The following USP35 variants were observed in gnomAD, a reference collection of about 807,000 sequenced individuals.
USP35 encodes ubiquitin carboxyl-terminal hydrolase 35.
In USP35, 69 loss-of-function variants were observed where a neutral mutation model predicts 83.8. The observed-to-expected ratio is 0.82, with a 90% confidence interval of 0.68 to 1.01. USP35 has a LOEUF of 1.01. Among genes scored for constraint, USP35 ranks in the 50% least tolerant of loss-of-function variants. The pLI, the probability that USP35 is intolerant of heterozygous loss-of-function variation, is 0.00. For missense variants in USP35, 1,503 were observed against 1,362.5 expected, an observed-to-expected ratio of 1.10 and a Z score of -1.62; for synonymous variants, 714 against 589.5, an observed-to-expected ratio of 1.21 and a Z score of -3.06.
At chr11:78,193,142 G>A (rs1005315884) in intron 1 of USP35, among the ~76,000 whole-genome samples, 1 of 152,114 alleles carries the variant, frequency 6.6e-6, no homozygotes, top group Admixed American at 6.5e-5. Context: ...GCCTTGTCAC[G>A]GGCACTGCCT....
chr11:78,233,684 G>A, the USP35 span, among the ~76,000 whole-genome samples: 1 of 152,138 alleles, frequency 6.6e-6, no homozygotes, highest in Non-Finnish European at 1.5e-5. Flanking sequence ...TTGGCTCACT[G>A]CAACCTCCAC....
At chr11:78,202,854 C>A (rs1863398571) in intron 6 of USP35, among the ~76,000 whole-genome samples, 1 of 152,168 alleles carries the variant, frequency 6.6e-6, no homozygotes, top group South Asian at 2.1e-4. Flanking sequence ...CTGGGTCTGT[C>A]TGTTTCCTGC....
At chr11:78,195,187 A>C (rs922134361) in intron 1 of USP35, among the ~76,000 whole-genome samples, 1 of 152,192 alleles carries the variant, frequency 6.6e-6, no homozygotes, top group African/African-American at 2.4e-5. Context: ...AACTGATTCC[A>C]GCTGTAATGC....
At chr11:78,232,462 CT>C in the USP35 span, among the ~76,000 whole-genome samples, 3 of 152,214 alleles carry the variant, frequency 2.0e-5, no homozygotes, top group East Asian at 5.8e-4. Context: ...GTGAAACCAA[CT>C]TGTCTTCAAA....
Position 78,214,028 on chromosome 11 carries a change from A to G in USP35, c.*215A>G, listed in dbSNP as rs1409515940. ...CAGTCCCATTAAAACTTTACACCCAAGTGTCCTGGTTAACTTGAAGCAGCC... is the reference window on the plus strand; with the variant it reads ...CAGTCCCATTAAAACTTTACACCCAGGTGTCCTGGTTAACTTGAAGCAGCC... On this transcript the variant is annotated 3_prime_UTR_variant, in exon 11 of 11. Transcript: ENST00000529308. The G allele has an allele frequency of 4.4e-5, 22 of 496,578 alleles. No homozygotes were observed. The East Asian group carries it at 7.9e-4, about 18-fold the overall frequency. 30.8% of individuals were successfully genotyped at this position (496,578 alleles called of 1,614,324 possible). A position where few individuals can be genotyped will look rare whatever the true frequency, so the allele number is the denominator to read the frequency against.
At chr11:78,193,609 C>G (rs913401129) in intron 1 of USP35, among the ~76,000 whole-genome samples, 3 of 152,132 alleles carry the variant, frequency 2.0e-5, no homozygotes, top group African/African-American at 7.2e-5. Flanking sequence ...GAAGCTCCTT[C>G]AAGGCAAGGA....
At chr11:78,201,832 G>A (rs1306973815) in intron 6 of USP35, among the ~76,000 whole-genome samples, 1 of 139,992 alleles carries the variant, frequency 7.1e-6, no homozygotes, top group Non-Finnish European at 1.5e-5. Context: ...AGTCTGGATG[G>A]CAGAGCCTTC....
At chr11:78,197,668 C>T (rs553080374) in intron 2 of USP35, among the ~76,000 whole-genome samples, 10 of 152,336 alleles carry the variant, frequency 6.6e-5, no homozygotes, top group African/African-American at 2.2e-4. Flanking sequence ...CAGCGTTTCC[C>T]CTCCTAAAGG....
At chr11:78,231,336 G>GGTGTGTGTGTGT in the USP35 span, among the ~76,000 whole-genome samples, 5,288 of 145,844 alleles carry the variant, frequency 0.036, 107 homozygotes, top group East Asian at 0.061. Context: ...GCGCGTGTGT[G>GGTGTGTGTGTGT]GTGTGTGTGT....
downstream of USP35, chr11:78,215,679 CAT>C (rs1422930411): frequency 6.6e-6 from 1 of 152,328 alleles, no homozygotes; most frequent in African/African-American, 2.4e-5. Flanking sequence ...CCATAAATCA[CAT>C]GACAGCCTGG....
chr11:78,198,813 GT>G, intron 3 of USP35: 1 of 520,076 alleles, frequency 1.9e-6, no homozygotes, highest in African/African-American at 2.1e-5. Context: ...TTCCTCAACT[GT>G]AAAATGGAGT....
At chr11:78,203,072 G>C (rs1863406587) in intron 6 of USP35, among the ~76,000 whole-genome samples, 1 of 152,108 alleles carries the variant, frequency 6.6e-6, no homozygotes, top group African/African-American at 2.4e-5. Context: ...TGCACAGTAG[G>C]GGCCCATGGA....
chr11:78,210,328 G>T lies in USP35; in HGVS notation c.2473G>T (p.Asp825Tyr). The T allele has an allele frequency of 1.9e-6, 3 of 1,613,092 alleles. No individual in the cohort carries two copies. Among genetic ancestry groups the T allele is most frequent in the Non-Finnish European group, 2.5e-6 (3 of 1,179,918 alleles). The change falls in exon 10 of 11, where the codon GAT becomes TAT. Residue 825 changes from aspartate (D) to tyrosine (Y), a missense_variant. By Grantham distance (160) the Asp-to-Tyr change is radical (BLOSUM62 -3). Transcript: ENST00000529308. ...CACCATGCGGCGCCGCAAGATCCTG[G>T]ATGACGTCTCCATCCCCCTGCTGCT... ...LRTMRRRKIL[D>Y]DVSIPLLLRL...
chr11:78,236,935 T>C, the USP35 span, among the ~76,000 whole-genome samples: 4 of 152,260 alleles, frequency 2.6e-5, no homozygotes, highest in Admixed American at 6.5e-5. Context: ...TTTAGTTGGA[T>C]TCGACTGCTA....
At chr11:78,210,867 A>G (rs1725746565) in intron 10 of USP35, 123 bp downstream of exon 10, 3 of 1,068,256 alleles carry the variant, frequency 2.8e-6, no homozygotes, top group Non-Finnish European at 3.9e-6. Context: ...TCTGTTGCTC[A>G]GTGCTGGGTA....
rs780745175 is a variant in USP35, at chr11:78,210,514, G to A, written c.2659G>A (p.Glu887Lys). 2.4e-5 allele frequency: 38 copies of A among 1,613,894 alleles called. No homozygotes were observed. Among genetic ancestry groups the A allele is most frequent in the Admixed American group, 6.7e-5 (4 of 60,004 alleles). The change falls in exon 10 of 11, where the codon GAG becomes AAG. Residue 887 changes from glutamate to lysine, a missense_variant. Transcript: ENST00000529308. ...SLGTADRPEP[E>K]NQWYLFNDTR... ...GGGAACTGCCGATAGGCCAGAGCCC[G>A]AGAACCAGTGGTACCTGTTCAATGA...
In USP35 at chr11:78,209,720, C is replaced by T; in HGVS notation, c.1865C>T (p.Thr622Ile). 6.2e-7 allele frequency: 1 copy of T among 1,614,140 alleles called. No individual in the cohort carries two copies. Residue 622 changes from threonine (T) to isoleucine (I), a missense_variant, in exon 10 of 11, where the codon ACA (threonine) becomes ATA (isoleucine). Transcript: ENST00000529308. Reference protein sequence around the residue: ...GSVMRPTEDITARELPPPTSA... With the variant: ...GSVMRPTEDIIARELPPPTSA... Reference sequence around the variant, plus strand: ...GTGATGCGCCCCACAGAAGACATCACAGCCCGGGAGTTGCCCCCACCAACC... The same window carrying T: ...GTGATGCGCCCCACAGAAGACATCATAGCCCGGGAGTTGCCCCCACCAACC...
intron 5 of USP35, 48 bp downstream of exon 5, chr11:78,200,282 C>A (rs764270200): frequency 1.3e-6 from 2 of 1,569,792 alleles, no homozygotes; most frequent in Admixed American, 3.4e-5. Context: ...GCCTGCTGCC[C>A]CTGGTAAGGG....
chr11:78,211,317 T>G (rs1590918595), intron 10 of USP35, among the ~76,000 whole-genome samples: 1 of 152,204 alleles, frequency 6.6e-6, no homozygotes, highest in African/African-American at 2.4e-5. Context: ...TATTCTGTGG[T>G]GTATATGTGC....
Sources: allele counts gnomAD v4.1 joint callset (sites outside exome capture counted in the v4.1 genomes callset), GRCh38; gene constraint gnomAD v4.1.1; transcripts MANE v1.5; gene names NCBI Gene and HGNC (gene_info 2026-07-23, HGNC 2026-07-21).